The following LRRIQ1 variants were observed in gnomAD, a reference collection of about 807,000 sequenced individuals.
LRRIQ1 encodes leucine-rich repeat- and IQ domain-containing protein 1.
Under a neutral mutation model 211.9 loss-of-function variants are expected in LRRIQ1, and 210 were observed. The ratio of observed to expected loss-of-function variants is 0.99; its 90% confidence interval spans 0.89 to 1.11. The LOEUF (loss-of-function observed/expected upper bound fraction) is 1.11. Among genes scored for constraint, LRRIQ1 ranks in the 50% most tolerant of loss-of-function variants. The pLI is 0.00. For missense variants in LRRIQ1, 2,136 were observed against 1,939.5 expected (o/e 1.10, Z -1.90); for synonymous variants, 699 against 650.1 (o/e 1.08, Z -1.14).
At chr12:85,059,470 T>G (rs1881526161) in intron 8 of LRRIQ1, among the ~76,000 whole-genome samples, 1 of 152,018 alleles carries the variant, frequency 6.6e-6, no homozygotes, top group Admixed American at 6.6e-5. Context: ...GACTGGGAGA[T>G]GCAGCTCCCT....
Position 85,047,275 on chromosome 12 carries a change from T to G in LRRIQ1, c.483T>G (p.Cys161Trp), listed in dbSNP as rs1026058536. Residue 161 changes from cysteine to tryptophan, a missense_variant, in exon 6 of 27, where the codon TGT becomes TGG. Transcript: ENST00000393217. ...ATGCTGATATAAATTTTGGATACTGTGAAGTGGAAGAAAAATGTAGACAGT... is the reference window on the plus strand; with the variant it reads ...ATGCTGATATAAATTTTGGATACTGGGAAGTGGAAGAAAAATGTAGACAGT... ...PDDADINFGY[C>W]EVEEKCRQSF... The G allele has an allele frequency of 1.2e-6, 2 of 1,600,916 alleles. No homozygotes were observed. The highest frequency in any genetic ancestry group is 8.5e-7 in the Non-Finnish European group (1 of 1,176,744).
chr12:85,037,390 C>G (rs1878264251), intron 1 of LRRIQ1, among the ~76,000 whole-genome samples: 1 of 152,086 alleles, frequency 6.6e-6, no homozygotes, highest in Admixed American at 6.5e-5. Context: ...AAAAAAAAAT[C>G]TAGCTTTCCT....
intron 24 of LRRIQ1, among the ~76,000 whole-genome samples, chr12:85,196,681 A>G (rs1322796132): frequency 1.3e-5 from 2 of 152,160 alleles, no homozygotes; most frequent in Non-Finnish European, 2.9e-5. Context: ...TCAATTCGAG[A>G]TGGATTAAAG....
At chr12:85,160,583 C>T (rs370895645) in intron 23 of LRRIQ1, 30 bp from the exon 24 acceptor site, 1 of 1,379,656 alleles carries the variant, frequency 7.2e-7, no homozygotes, top group African/African-American at 1.4e-5. Context: ...CAAAGATGAA[C>T]TCTGCTCCTT....
At position 85,216,128 on chromosome 12, in the gene LRRIQ1, C is replaced by T. The variant is rs1379374996; in HGVS notation, c.4823-13389C>T. ...TGGTGGTTTGCTGCATCCATCAACT[C>T]GTCATCTACATTAGGTATTTCTCCT... On this transcript the variant is annotated intron_variant, in intron 24 of 26. Coordinates refer to ENST00000393217, the MANE Select transcript of LRRIQ1 (RefSeq NM_001079910.2). 6.6e-5 allele frequency among the ~76,000 whole-genome samples: 10 copies of T among 152,144 alleles called. No homozygotes were observed. The South Asian group carries it at 1.9e-3, about 28-fold the overall frequency.
At chr12:85,050,192 C>T (rs941372924) in intron 6 of LRRIQ1, among the ~76,000 whole-genome samples, 1 of 152,186 alleles carries the variant, frequency 6.6e-6, no homozygotes, top group African/African-American at 2.4e-5. Flanking sequence ...CCACCTCCAA[C>T]ACTGGGGAGT....
chr12:85,190,558 C>CTAT (rs1471078478), intron 24 of LRRIQ1, among the ~76,000 whole-genome samples: 1 of 148,706 alleles, frequency 6.7e-6, no homozygotes, highest in East Asian at 1.9e-4. Flanking sequence ...AATACATATG[C>CTAT]TATTATAAGG....
intron 7 of LRRIQ1, among the ~76,000 whole-genome samples, chr12:85,052,606 T>G (rs1406653490): frequency 6.6e-6 from 1 of 152,136 alleles, no homozygotes; most frequent in Non-Finnish European, 1.5e-5. Flanking sequence ...ATTATTCTGA[T>G]GATACATATA....
Position 85,124,116 on chromosome 12 carries a change from A to G in LRRIQ1, c.3604A>G (p.Lys1202Glu), listed in dbSNP as rs768924768. 4 of 1,613,686 alleles carry G rather than the reference A, an allele frequency of 2.5e-6. No individual in the cohort carries two copies. The highest frequency in any genetic ancestry group is 3.4e-6 in the Non-Finnish European group (4 of 1,179,778). Residue 1202 changes from lysine (K) to glutamate (E), a missense_variant, in exon 17 of 27, where the codon AAG (lysine) becomes GAG (glutamate). By Grantham distance (56) the Lys-to-Glu change is moderately conservative (BLOSUM62 1). Transcript: ENST00000393217. ...DTAENLCHYF[K>E]KLMILSTEYR... ...TGCAGAAAATCTCTGTCATTATTTTAAGAAATTGATGATACTTAGTACTGA... is the reference window on the plus strand; with the variant it reads ...TGCAGAAAATCTCTGTCATTATTTTGAGAAATTGATGATACTTAGTACTGA...
chr12:85,121,104 A>G (rs1941631035), intron 15 of LRRIQ1, among the ~76,000 whole-genome samples: 1 of 152,134 alleles, frequency 6.6e-6, no homozygotes, highest in African/African-American at 2.4e-5. Context: ...GCTAACTGGG[A>G]TTACAGGTGC....
At chr12:85,215,336 T>C (rs781408535) in intron 24 of LRRIQ1, among the ~76,000 whole-genome samples, 7 of 152,184 alleles carry the variant, frequency 4.6e-5, no homozygotes, top group African/African-American at 7.2e-5. Flanking sequence ...TGCACAAGGA[T>C]AGTCAGAGCA....
intron 15 of LRRIQ1, among the ~76,000 whole-genome samples, chr12:85,112,964 A>C (rs1158229934): frequency 6.6e-6 from 1 of 152,060 alleles, no homozygotes; most frequent in Non-Finnish European, 1.5e-5. Context: ...CATTCTGTTT[A>C]CTCAGAGATA....
intron 12 of LRRIQ1, 47 bp downstream of exon 12, chr12:85,098,595 C>A: frequency 2.7e-6 from 4 of 1,456,878 alleles, no homozygotes; most frequent in Non-Finnish European, 3.7e-6. Flanking sequence ...CAACACTTTT[C>A]TTTTGATAGA....
At chr12:85,081,720 C>CTTT (rs1884306306) in intron 11 of LRRIQ1, among the ~76,000 whole-genome samples, 1 of 128,122 alleles carries the variant, frequency 7.8e-6, no homozygotes, top group South Asian at 2.4e-4. Context: ...ATTTCTTCTT[C>CTTT]TTCTTTTTTT....
chr12:85,157,953 G>T (rs533435686), intron 23 of LRRIQ1, among the ~76,000 whole-genome samples: 66 of 151,980 alleles, frequency 4.3e-4, no homozygotes, highest in African/African-American at 1.4e-3. Flanking sequence ...GATAATAAAT[G>T]TAACTAAAGA....
rs372285606 is a variant in LRRIQ1, at chr12:85,157,974, G to A, written c.4721-2639G>A. On this transcript the variant is annotated intron_variant, in intron 23 of 26. Coordinates refer to ENST00000393217, the MANE Select transcript of LRRIQ1 (RefSeq NM_001079910.2). Reference sequence around the variant, plus strand: ...AAATGTAACTAAAGAATGTTAAGGGGGAGGGACCAGCAGGGAATAGTATAG... The same window carrying A: ...AAATGTAACTAAAGAATGTTAAGGGAGAGGGACCAGCAGGGAATAGTATAG... Among the ~76,000 whole-genome samples, 15 of 151,914 alleles carry A rather than the reference G, an allele frequency of 9.9e-5. No individual in the cohort carries two copies. In the East Asian group the frequency reaches 2.7e-3, roughly 27 times the overall value.
In LRRIQ1 at chr12:85,056,324, GA is replaced by G. The variant is rs746708972; in HGVS notation, c.1533del (p.Glu511AspfsTer7). 1 of 1,597,708 alleles carries G rather than the reference GA, an allele frequency of 6.3e-7. No homozygotes were observed. The highest frequency in any genetic ancestry group is 8.5e-7 in the Non-Finnish European group (1 of 1,175,606). On this transcript the variant is annotated frameshift_variant, in exon 8 of 27. Coordinates refer to ENST00000393217, the MANE Select transcript of LRRIQ1 (RefSeq NM_001079910.2). LOFTEE classifies it high-confidence loss of function. ...ATATGAAAATACAGATAACAAAACT[GA>G]ATTGGGAAACTCTGATCTAAAAGGA... Reference protein sequence around the residue: ...RKYENTDNKTELGNSDLKGNL... With the variant: ...RKYENTDNKTXLGNSDLKGNL...
At chr12:85,240,261 A>G (rs866447493) in intron 26 of LRRIQ1, among the ~76,000 whole-genome samples, 2 of 152,190 alleles carry the variant, frequency 1.3e-5, no homozygotes, top group African/African-American at 2.4e-5. Flanking sequence ...ACTATATAAT[A>G]CCACTCTACC....
rs199894971 is a variant in LRRIQ1 at position 85,056,002 on chromosome 12, C to A, written c.1209C>A (p.Ser403Arg). Residue 403 changes from serine to arginine, a missense_variant, in exon 8 of 27, where the codon AGC (serine) becomes AGA (arginine). Coordinates refer to ENST00000393217, the MANE Select transcript of LRRIQ1 (RefSeq NM_001079910.2). ...TAATAAGTAGTGCATTAAAGAAGAG[C>A]GGATATAATAACAAACATTTAAGTC... Reference protein sequence around the residue: ...QLIISSALKKSGYNNKHLSLE... With the variant: ...QLIISSALKKRGYNNKHLSLE... 6.2e-7 allele frequency: 1 copy of A among 1,607,140 alleles called. No individual in the cohort carries two copies. Among genetic ancestry groups the A allele is most frequent in the Admixed American group, 1.7e-5 (1 of 59,084 alleles).
Sources: allele counts gnomAD v4.1 joint callset (sites outside exome capture counted in the v4.1 genomes callset), GRCh38; gene constraint gnomAD v4.1.1; transcripts MANE v1.5; gene names NCBI Gene and HGNC (gene_info 2026-07-23, HGNC 2026-07-21).